SGCD: variants seen among roughly 807,000 people sequenced by gnomAD.
SGCD encodes sarcoglycan delta.
Under a neutral mutation model 36.6 loss-of-function variants are expected in SGCD, and 18 were observed. The observed-to-expected ratio is 0.49, with a 90% CI of 0.34 to 0.73. The LOEUF (loss-of-function observed/expected upper bound fraction) is 0.73. SGCD is among the 30% of genes least tolerant of loss of function. The probability of loss-of-function intolerance (pLI) is 0.01; values close to 1 mark genes in which losing one functional copy is unlikely to be tolerated. For synonymous variants in SGCD, 133 were observed against 130.6 expected, an observed-to-expected ratio of 1.02 and a Z score of -0.12; for missense variants, 387 against 346.7, an observed-to-expected ratio of 1.12 and a Z score of -0.92.
At chr5:156,653,493 C>CTTTTTTGTTTTTTTTTTTTTTTTTTT (rs1763546153) in intron 7 of SGCD, among the ~76,000 whole-genome samples, 1 of 48,082 alleles carries the variant, frequency 2.1e-5, no homozygotes, top group Non-Finnish European at 4.0e-5. Flanking sequence ...CTAAAGCTTG[C>CTTTTTTGTTTTTTTTTTTTTTTTTTT]TTTTTTTTTT....
chr5:156,491,245 T>A (rs1321939450), intron 3 of SGCD, among the ~76,000 whole-genome samples: 2 of 152,150 alleles, frequency 1.3e-5, no homozygotes, highest in African/African-American at 2.4e-5. Context: ...GAAGAATTAA[T>A]ATTGTTAAAA....
At chr5:156,700,816 C>G (rs755661025) in intron 7 of SGCD, among the ~76,000 whole-genome samples, 5 of 151,628 alleles carry the variant, frequency 3.3e-5, no homozygotes, top group Admixed American at 1.3e-4. Context: ...AGTGGCACAC[C>G]CCTGTGGTCC....
intron 4 of SGCD, among the ~76,000 whole-genome samples, chr5:156,546,875 G>A (rs1305629641): frequency 1.3e-5 from 2 of 152,126 alleles, no homozygotes; most frequent in Non-Finnish European, 2.9e-5. Flanking sequence ...GAGCTTAGAG[G>A]TAAAATCAGG....
In SGCD at chr5:156,549,615, C is replaced by A. The variant is rs192014135; in HGVS notation, c.295-39616C>A. Among the ~76,000 whole-genome samples the A allele has an allele frequency of 4.5e-3, 689 of 152,320 alleles. 4 individuals are homozygous for A. The highest frequency in any genetic ancestry group is 0.014 in the African/African-American group (575 of 41,574). ...TAATGCATTTCACTACCTTGTTGCA[C>A]TAGGCCACATTCATGGCATTTGCTA... On this transcript the variant is annotated intron_variant, in intron 4 of 8. Coordinates refer to ENST00000337851, the MANE Select transcript of SGCD (RefSeq NM_000337.6).
At chr5:156,413,742 C>T (rs577659571) in intron 3 of SGCD, among the ~76,000 whole-genome samples, 3 of 152,336 alleles carry the variant, frequency 2.0e-5, no homozygotes, top group Non-Finnish European at 4.4e-5. Flanking sequence ...TGAGCCTTCC[C>T]AGCATGTAAA....
chr5:156,598,001 T>G (rs1193955996), intron 6 of SGCD, among the ~76,000 whole-genome samples: 2 of 152,218 alleles, frequency 1.3e-5, no homozygotes, highest in African/African-American at 4.8e-5. Context: ...TGCTGTGGCC[T>G]CTATCTGGTC....
intron 3 of SGCD, among the ~76,000 whole-genome samples, chr5:156,132,620 C>T (rs1762355936): frequency 1.3e-5 from 2 of 151,428 alleles, no homozygotes; most frequent in Non-Finnish European, 2.9e-5. Flanking sequence ...AGGCGCCCAC[C>T]ACCACGCCCG....
intron 1 of SGCD, among the ~76,000 whole-genome samples, chr5:156,089,239 A>T (rs1486714889): frequency 6.6e-6 from 1 of 152,218 alleles, no homozygotes. Flanking sequence ...AGCCCACTTC[A>T]TGGTTCTACT....
chr5:155,929,239 G>A (rs974580616), intron 1 of SGCD, among the ~76,000 whole-genome samples: 7 of 152,102 alleles, frequency 4.6e-5, no homozygotes, highest in African/African-American at 1.7e-4. Context: ...AATGATGTCT[G>A]ATTTTTCTCT....
rs1581239071 is a variant in SGCD, at chr5:156,604,466, A to T, written c.502+9415A>T. On this transcript the variant is annotated intron_variant, in intron 6 of 8. Coordinates refer to ENST00000337851, the MANE Select transcript of SGCD (RefSeq NM_000337.6). ...TGTGGTGGTTTTCTGTGGTGCTAAG[A>T]TTTGTTTTCTTTCTCTTTCTTGTTT... 3.3e-5 allele frequency among the ~76,000 whole-genome samples: 5 copies of T among 151,608 alleles called. 1 individual carries two copies.
intron 3 of SGCD, among the ~76,000 whole-genome samples, chr5:156,416,732 C>T (rs1011492233): frequency 6.6e-6 from 1 of 152,094 alleles, no homozygotes; most frequent in Non-Finnish European, 1.5e-5. Flanking sequence ...AGAAATCATT[C>T]AAAGAATATT....
chr5:156,651,153 T>G (rs1763444056), intron 7 of SGCD, among the ~76,000 whole-genome samples: 1 of 152,154 alleles, frequency 6.6e-6, no homozygotes, highest in African/African-American at 2.4e-5. Context: ...GGGTTGTTTT[T>G]TGCTTGTTGA....
chr5:155,753,644 T>G, the SGCD span, among the ~76,000 whole-genome samples: 1 of 152,152 alleles, frequency 6.6e-6, no homozygotes, highest in Admixed American at 6.5e-5. Context: ...GACAAGAGGC[T>G]TCACAGAGCA....
At chr5:156,609,336 T>G (rs866444348) in intron 6 of SGCD, among the ~76,000 whole-genome samples, 8 of 152,346 alleles carry the variant, frequency 5.3e-5, no homozygotes, top group Middle Eastern at 3.4e-3. Context: ...GATGCTGGGT[T>G]GAAAATTCTT....
the SGCD span, among the ~76,000 whole-genome samples, chr5:155,751,505 G>A: frequency 1.1e-4 from 16 of 152,060 alleles, no homozygotes; most frequent in Admixed American, 2.6e-4. Flanking sequence ...TCTCAGCTGA[G>A]CCTCCCCAGT....
At chr5:156,454,404 G>A (rs532392317) in intron 3 of SGCD, among the ~76,000 whole-genome samples, 1 of 152,066 alleles carries the variant, frequency 6.6e-6, no homozygotes, top group Non-Finnish European at 1.5e-5. Context: ...AGTACCCCGG[G>A]GCTGTGAGAG....
chr5:156,382,499 T>A (rs1488863079), intron 3 of SGCD, among the ~76,000 whole-genome samples: 1 of 152,220 alleles, frequency 6.6e-6, no homozygotes, highest in East Asian at 1.9e-4. Flanking sequence ...ATTTACTAAA[T>A]GTTTCTATTT....
At chr5:156,046,886 G>A (rs972483328) in intron 1 of SGCD, among the ~76,000 whole-genome samples, 1 of 152,168 alleles carries the variant, frequency 6.6e-6, no homozygotes, top group African/African-American at 2.4e-5. Flanking sequence ...CAGATAGACT[G>A]AAAGCTTGGG....
At chr5:156,229,663 A>G (rs932772493) in intron 3 of SGCD, among the ~76,000 whole-genome samples, 10 of 152,106 alleles carry the variant, frequency 6.6e-5, no homozygotes, top group Admixed American at 5.2e-4. Context: ...TATTTTTGTG[A>G]TGAATTTCCC....
Sources: allele counts gnomAD v4.1 joint callset (sites outside exome capture counted in the v4.1 genomes callset), GRCh38; gene constraint gnomAD v4.1.1; transcripts MANE v1.5; gene names NCBI Gene and HGNC (gene_info 2026-07-23, HGNC 2026-07-21).